The following ASIC2 variants were observed in gnomAD, a reference collection of about 807,000 sequenced individuals.
The protein encoded by ASIC2 is acid-sensing ion channel 2.
ASIC2 carries 25 observed loss-of-function variants against 57.3 expected under a neutral mutation model. The ratio of observed to expected loss-of-function variants is 0.44; its 90% CI spans 0.32 to 0.61. ASIC2 has a LOEUF of 0.61. Among genes scored for constraint, ASIC2 ranks in the 20% least tolerant of loss-of-function variants. ASIC2 has a pLI of 0.06. For missense variants in ASIC2, 641 were observed against 738.1 expected, an observed-to-expected ratio of 0.87 and a Z score of 1.52; for synonymous variants, 319 against 307.5, an observed-to-expected ratio of 1.04 and a Z score of -0.39.
chr17:33,211,462 G>C (rs1408698821), intron 1 of ASIC2, among the ~76,000 whole-genome samples: 1 of 151,120 alleles, frequency 6.6e-6, no homozygotes, highest in Non-Finnish European at 1.5e-5. Context: ...CCACCAAGGT[G>C]ACCCCAGGGA....
At chr17:33,212,949 T>A (rs1031821570) in intron 1 of ASIC2, among the ~76,000 whole-genome samples, 1 of 152,240 alleles carries the variant, frequency 6.6e-6, no homozygotes, top group Non-Finnish European at 1.5e-5. Flanking sequence ...GATAAAACAC[T>A]TTATTTCTCT....
chr17:33,974,643 T>TCCATCCATCCAA, intron 1 of ASIC2, among the ~76,000 whole-genome samples: 1 of 150,512 alleles, frequency 6.6e-6, no homozygotes, highest in South Asian at 2.1e-4. Context: ...CATCCATCCA[T>TCCATCCATCCAA]CCATAGAGCC....
chr17:33,433,650 TGA>T (rs1409911990), intron 1 of ASIC2, among the ~76,000 whole-genome samples: 7 of 152,108 alleles, frequency 4.6e-5, no homozygotes. Context: ...CTTGGGAGGC[TGA>T]GACAGGAGAA....
intron 1 of ASIC2, among the ~76,000 whole-genome samples, chr17:33,808,545 T>A (rs1379960446): frequency 6.6e-6 from 1 of 152,210 alleles, no homozygotes; most frequent in Non-Finnish European, 1.5e-5. Context: ...TAGAGTCAGT[T>A]TGCCAATATC....
chr17:33,404,642 A>G (rs1016535283), intron 1 of ASIC2, among the ~76,000 whole-genome samples: 40 of 152,236 alleles, frequency 2.6e-4, no homozygotes, highest in African/African-American at 8.9e-4. Context: ...GTTGAGCGAC[A>G]TTAAGAGGGA....
chr17:33,872,184 C>T (rs1037241931), intron 1 of ASIC2, among the ~76,000 whole-genome samples: 3 of 152,082 alleles, frequency 2.0e-5, no homozygotes, highest in Admixed American at 6.5e-5. Flanking sequence ...GTTTGAGGTC[C>T]CCCTTTAAGC....
intron 1 of ASIC2, among the ~76,000 whole-genome samples, chr17:33,407,811 G>A (rs373854138): frequency 1.1e-4 from 17 of 152,192 alleles, no homozygotes; most frequent in African/African-American, 3.9e-4. Context: ...GTTGGGATTG[G>A]CTTGGCTTGG....
chr17:33,868,112 T>C (rs750700048), intron 1 of ASIC2, among the ~76,000 whole-genome samples: 75 of 152,308 alleles, frequency 4.9e-4, no homozygotes, highest in Middle Eastern at 3.4e-3. Flanking sequence ...TAAATGTATA[T>C]ACTAATCAAA....
At chr17:33,556,273 A>T (rs989464932) in intron 1 of ASIC2, among the ~76,000 whole-genome samples, 1 of 152,226 alleles carries the variant, frequency 6.6e-6, no homozygotes, top group African/African-American at 2.4e-5. Context: ...AGCAAGTTAC[A>T]CAATGAACTG....
At position 33,205,794 on chromosome 17, in the gene ASIC2, G is replaced by A. The variant is rs76744766; in HGVS notation, c.708+85614C>T. ...CGGCATGCCGCAGGGCTGGGACTGC[G>A]CTGGCTGTGCCGTTTCTTGGCATAC... On this transcript the variant is annotated intron_variant, in intron 1 of 9. Transcript: ENST00000225823. Among the ~76,000 whole-genome samples, 1,075 of 152,286 alleles carry A rather than the reference G, an allele frequency of 7.1e-3. 4 individuals carry two copies. The highest frequency in any genetic ancestry group is 0.027 in the Middle Eastern group (8 of 294).
intron 9 of ASIC2, among the ~76,000 whole-genome samples, chr17:33,015,201 A>G (rs993789981): frequency 6.6e-6 from 1 of 152,172 alleles, no homozygotes; most frequent in African/African-American, 2.4e-5. Context: ...TGGTCACTCA[A>G]TGGGCACCGT....
chr17:33,285,860 G>A (rs1209263153), intron 1 of ASIC2, among the ~76,000 whole-genome samples: 1 of 152,200 alleles, frequency 6.6e-6, no homozygotes. Context: ...AACATGCCCA[G>A]CCAGAGTCTG....
intron 1 of ASIC2, among the ~76,000 whole-genome samples, chr17:33,300,125 C>G (rs1035705622): frequency 1.3e-5 from 2 of 152,210 alleles, no homozygotes; most frequent in African/African-American, 4.8e-5. Context: ...CCCCAGCCCC[C>G]ACAGCCACCC....
chr17:33,031,979 T>A (rs552467232), intron 3 of ASIC2, among the ~76,000 whole-genome samples: 2 of 152,310 alleles, frequency 1.3e-5, no homozygotes, highest in East Asian at 3.9e-4. Flanking sequence ...ACTGTCAGAA[T>A]CTTTATATAT....
intron 3 of ASIC2, among the ~76,000 whole-genome samples, chr17:33,065,745 C>T (rs2092040894): frequency 6.6e-6 from 1 of 152,042 alleles, no homozygotes; most frequent in South Asian, 2.1e-4. Context: ...TGAGACATAA[C>T]AAACTGAGGG....
At chr17:33,089,458 A>T (rs143359125) in intron 2 of ASIC2, among the ~76,000 whole-genome samples, 5 of 152,248 alleles carry the variant, frequency 3.3e-5, no homozygotes, top group African/African-American at 1.2e-4. Context: ...GATTTTATTG[A>T]GCCTAGGGAA....
At chr17:33,970,721 C>T (rs562030603) in intron 1 of ASIC2, among the ~76,000 whole-genome samples, 1 of 152,294 alleles carries the variant, frequency 6.6e-6, no homozygotes, top group African/African-American at 2.4e-5. Flanking sequence ...TGCAATTATC[C>T]TAAGAAATGC....
intron 1 of ASIC2, among the ~76,000 whole-genome samples, chr17:33,580,906 G>A (rs1196962056): frequency 1.3e-5 from 2 of 152,154 alleles, no homozygotes; most frequent in African/African-American, 4.8e-5. Flanking sequence ...AATGGGCCAC[G>A]GTCATGTAGA....
At chr17:33,454,326 A>C (rs1277902952) in intron 1 of ASIC2, among the ~76,000 whole-genome samples, 1 of 152,220 alleles carries the variant, frequency 6.6e-6, no homozygotes, top group Admixed American at 6.5e-5. Flanking sequence ...CAGAACCAGA[A>C]ATAGCCCAGA....
Sources: allele counts gnomAD v4.1 joint callset (sites outside exome capture counted in the v4.1 genomes callset), GRCh38; gene constraint gnomAD v4.1.1; transcripts MANE v1.5; gene names NCBI Gene and HGNC (gene_info 2026-07-23, HGNC 2026-07-21).